SUGCT: variants seen among roughly 807,000 people sequenced by gnomAD.
The protein encoded by SUGCT is succinyl-CoA:glutarate CoA-transferase.
SUGCT carries 41 observed loss-of-function variants against 55.0 expected under a neutral mutation model. The ratio of observed to expected loss-of-function variants is 0.74; its 90% CI spans 0.58 to 0.97. SUGCT has a LOEUF of 0.97. Among genes scored for constraint, SUGCT ranks in the 50% least tolerant of loss-of-function variants. The pLI, the probability that SUGCT is intolerant of heterozygous loss-of-function variation, is 0.00. For synonymous variants in SUGCT, 187 were observed against 200.4 expected (o/e 0.93, Z 0.56); for missense variants, 568 against 547.8 (o/e 1.04, Z -0.37).
intron 10 of SUGCT, among the ~76,000 whole-genome samples, chr7:40,453,216 A>C (rs1455361742): frequency 6.6e-6 from 1 of 152,118 alleles, no homozygotes; most frequent in Non-Finnish European, 1.5e-5. Context: ...GCAGGAGCCA[A>C]CTCTGAGAAA....
At chr7:40,843,338 C>T (rs189285339) in intron 13 of SUGCT, among the ~76,000 whole-genome samples, 37 of 151,896 alleles carry the variant, frequency 2.4e-4, no homozygotes, top group African/African-American at 7.2e-4. Context: ...GGTGAAACCC[C>T]GTCTCTACTA....
At chr7:40,725,134 G>A (rs1786546152) in intron 12 of SUGCT, among the ~76,000 whole-genome samples, 1 of 152,064 alleles carries the variant, frequency 6.6e-6, no homozygotes, top group Admixed American at 6.6e-5. Context: ...AACACATATG[G>A]TAGTGTTCTC....
intron 6 of SUGCT, 144 bp downstream of exon 6, chr7:40,195,204 C>G (rs1786177544): frequency 4.4e-6 from 3 of 677,358 alleles, no homozygotes; most frequent in Non-Finnish European, 6.7e-6. Context: ...GGTTGCTGAA[C>G]TTACTTTTTT....
intron 2 of SUGCT, 142 bp downstream of exon 2, chr7:40,181,140 A>G (rs1230331119): frequency 2.9e-6 from 2 of 689,762 alleles, no homozygotes; most frequent in African/African-American, 1.8e-5. Flanking sequence ...AATTGCTGTA[A>G]TATCATCATT....
intron 12 of SUGCT, among the ~76,000 whole-genome samples, chr7:40,740,887 A>G (rs937305898): frequency 6.6e-6 from 1 of 152,236 alleles, no homozygotes; most frequent in Non-Finnish European, 1.5e-5. Flanking sequence ...TTGGTCATCA[A>G]AACATAATAC....
chr7:40,742,256 A>G (rs1297431740), intron 12 of SUGCT, among the ~76,000 whole-genome samples: 1 of 152,184 alleles, frequency 6.6e-6, no homozygotes, highest in African/African-American at 2.4e-5. Context: ...TCACAGCAGA[A>G]TGAAATTTAG....
chr7:40,729,675 T>A (rs1368850910), intron 12 of SUGCT, among the ~76,000 whole-genome samples: 1 of 152,194 alleles, frequency 6.6e-6, no homozygotes, highest in East Asian at 1.9e-4. Context: ...AATTTTGGAC[T>A]TTATCTTGTA....
chr7:40,934,406 T>C, the SUGCT span, among the ~76,000 whole-genome samples: 72,225 of 152,018 alleles, frequency 0.48, 17,562 homozygotes, highest in Admixed American at 0.55. Context: ...CAGGGACCCA[T>C]TTGAGGAGGC....
chr7:40,314,751 A>G (rs778662776), intron 8 of SUGCT, among the ~76,000 whole-genome samples: 1 of 123,202 alleles, frequency 8.1e-6, no homozygotes, highest in Non-Finnish European at 1.9e-5. Flanking sequence ...TGTAGTAGAG[A>G]TGGAGTTTCT....
chr7:40,408,401 T>C (rs1253090141), intron 9 of SUGCT, among the ~76,000 whole-genome samples: 1 of 152,084 alleles, frequency 6.6e-6, no homozygotes, highest in East Asian at 1.9e-4. Context: ...TATCCCATCC[T>C]AGTATGCCTC....
At chr7:40,392,301 A>C (rs143565915) in intron 9 of SUGCT, among the ~76,000 whole-genome samples, 8 of 152,210 alleles carry the variant, frequency 5.3e-5, no homozygotes, top group African/African-American at 1.9e-4. Flanking sequence ...AAATAAATAC[A>C]TAAAGAATAG....
intron 12 of SUGCT, among the ~76,000 whole-genome samples, chr7:40,629,074 C>T (rs942772689): frequency 6.6e-6 from 1 of 152,158 alleles, no homozygotes; most frequent in African/African-American, 2.4e-5. Flanking sequence ...GGTTCCTCCT[C>T]ATAGGTTCTG....
chr7:40,623,122 A>G (rs1799354148), intron 12 of SUGCT, among the ~76,000 whole-genome samples: 1 of 152,188 alleles, frequency 6.6e-6, no homozygotes. Flanking sequence ...GTAAAGACAT[A>G]TGGAACCACT....
intron 7 of SUGCT, among the ~76,000 whole-genome samples, chr7:40,272,113 G>GATGTTTA (rs1562633477): frequency 1.1e-5 from 1 of 93,174 alleles, no homozygotes; most frequent in African/African-American, 4.2e-5. Flanking sequence ...ATATATATAT[G>GATGTTTA]GATGTTTCAA....
intron 12 of SUGCT, among the ~76,000 whole-genome samples, chr7:40,507,323 G>T (rs78157356): frequency 0.13 from 19,119 of 152,082 alleles, 1,368 homozygotes; most frequent in African/African-American, 0.17. Context: ...GTTTTTATCT[G>T]CCACCTTGGG....
the SUGCT span, among the ~76,000 whole-genome samples, chr7:40,890,218 T>C: frequency 2.8e-5 from 4 of 144,896 alleles, no homozygotes; most frequent in South Asian, 8.4e-4. Context: ...ATTATATATT[T>C]ATATTTATAT....
chr7:40,940,843 C>T, the SUGCT span, among the ~76,000 whole-genome samples: 3 of 151,974 alleles, frequency 2.0e-5, no homozygotes, highest in Non-Finnish European at 4.4e-5. Flanking sequence ...ATCCTCTTTC[C>T]CAATTTGGAT....
chr7:40,386,598 A>T (rs746761592), intron 9 of SUGCT, among the ~76,000 whole-genome samples: 11 of 152,288 alleles, frequency 7.2e-5, no homozygotes, highest in Middle Eastern at 3.4e-3. Flanking sequence ...AGCATCCATG[A>T]CTTTGATTCA....
chr7:40,857,078 C>A (rs760538780), intron 13 of SUGCT, among the ~76,000 whole-genome samples: 1 of 152,128 alleles, frequency 6.6e-6, no homozygotes, highest in Non-Finnish European at 1.5e-5. Context: ...GAAGTTCACA[C>A]AGCTTGTACG....
Sources: allele counts gnomAD v4.1 joint callset (sites outside exome capture counted in the v4.1 genomes callset), GRCh38; gene constraint gnomAD v4.1.1; transcripts MANE v1.5; gene names NCBI Gene and HGNC (gene_info 2026-07-23, HGNC 2026-07-21).